The following ZNF107 variants were observed in gnomAD, a reference collection of about 807,000 sequenced individuals.
The protein encoded by ZNF107 is C2H2 type zinc-finger protein.
A neutral mutation model predicts 12.3 loss-of-function variants in ZNF107; 19 were observed. The observed-to-expected ratio is 1.55, with a 90% CI of 1.08 to 2.27. The LOEUF is 2.27. Ranked by LOEUF, ZNF107 falls within the 30% of genes most tolerant of loss-of-function variation. The probability of loss-of-function intolerance (pLI) is 0.00; values close to 1 mark genes in which losing one functional copy is unlikely to be tolerated. For synonymous variants in ZNF107, 317 were observed against 330.5 expected (o/e 0.96, Z 0.44); for missense variants, 958 against 979.9 (o/e 0.98, Z 0.30).
rs144137146 is a variant in ZNF107, at chr7:64,706,658, A to G, written c.561A>G (p.Gln187=). The change falls in exon 4 of 4, where the codon CAA becomes CAG. Residue 187 remains glutamine, a synonymous_variant. Coordinates refer to ENST00000620827, the MANE Select transcript of ZNF107 (RefSeq NM_001282359.2). ...ECSKSFCVLS[Q]LTQHRRIHTR... ...GCAAATCATTTTGCGTGCTTTCACAACTAACTCAGCATAGAAGAATTCATA... is the reference window on the plus strand; with the variant it reads ...GCAAATCATTTTGCGTGCTTTCACAGCTAACTCAGCATAGAAGAATTCATA... 6.2e-7 allele frequency: 1 copy of G among 1,613,364 alleles called. No individual in the cohort carries two copies. Among genetic ancestry groups the G allele is most frequent in the African/African-American group, 1.3e-5 (1 of 74,924 alleles).
intron 3 of ZNF107, among the ~76,000 whole-genome samples, chr7:64,699,568 A>G (rs1790399513): frequency 6.6e-6 from 1 of 152,104 alleles, no homozygotes; most frequent in African/African-American, 2.4e-5. Context: ...AGGACTACAG[A>G]CATACTATGG....
At chr7:64,674,933 C>G (rs943177528) in intron 1 of ZNF107, among the ~76,000 whole-genome samples, 11 of 152,114 alleles carry the variant, frequency 7.2e-5, no homozygotes, top group African/African-American at 2.7e-4. Context: ...TTGAACCAAC[C>G]TTATATGCCA....
chr7:64,697,692 A>ATTT (rs35100512), intron 3 of ZNF107, among the ~76,000 whole-genome samples: 1 of 135,210 alleles, frequency 7.4e-6, no homozygotes, highest in Non-Finnish European at 1.6e-5. Flanking sequence ...GAAACATAGC[A>ATTT]TTTTTTTTTT....
At position 64,690,220 on chromosome 7, in the gene ZNF107, TACTTTGCTAAGA is replaced by T. The variant is rs144548339; in HGVS notation, c.4-1026_4-1015del. On this transcript the variant is annotated intron_variant, in intron 1 of 3. Coordinates refer to ENST00000620827, the MANE Select transcript of ZNF107 (RefSeq NM_001282359.2). ...GAGTTTTAAATATTTTTATTTCTTT[TACTTTGCTAAGA>T]ATACATATTTATCTTATAATAAAAT... 9.2e-3 allele frequency: 2,775 copies of T among 302,076 alleles called. 84 individuals carry two copies. Among genetic ancestry groups the T allele is most frequent in the African/African-American group, 0.06 (2,637 of 44,190 alleles). The allele number at this position is 302,076 out of a possible 1,614,324, so 18.7% of individuals were successfully genotyped here.
At position 64,708,826 on chromosome 7, in the gene ZNF107, A is replaced by C. The variant is rs919866129; in HGVS notation, c.*170A>C. 8 of 716,942 alleles carry C rather than the reference A, an allele frequency of 1.1e-5. No individual in the cohort carries two copies. Among genetic ancestry groups the C allele is most frequent in the Middle Eastern group, 3.2e-4 (1 of 3,172 alleles). The allele number at this position is 716,942 out of a possible 1,614,324, so 44.4% of individuals were successfully genotyped here. A position where few individuals can be genotyped will look rare whatever the true frequency, so the allele number is the denominator to read the frequency against. On this transcript the variant is annotated 3_prime_UTR_variant, in exon 4 of 4. Transcript: ENST00000620827. ...AAAGAATGTGGCACAGCTTTTAACT[A>C]ATCTTCAAACCTTACTGAAAGTTGA...
rs1584492776 is a variant in ZNF107, at chr7:64,707,077, A to G, written c.980A>G (p.Asn327Ser). The stretch of plus-strand genomic sequence containing the variant: ...GGAAAAGCTTTTAACCTATTCTCAA[A>G]TCTTACTAACCATAAGAGAATTCAT... ...ECGKAFNLFS[N>S]LTNHKRIHAG... is the part of the protein sequence containing the mutation. The change falls in exon 4 of 4, where the codon AAT becomes AGT. Residue 327 changes from asparagine to serine, a missense_variant. Physicochemically the swap from Asn to Ser is conservative, Grantham distance 46. Coordinates refer to ENST00000620827, the MANE Select transcript of ZNF107 (RefSeq NM_001282359.2). 1.2e-6 allele frequency: 2 copies of G among 1,611,496 alleles called. No individual in the cohort carries two copies. Among genetic ancestry groups the G allele is most frequent in the East Asian group, 2.2e-5 (1 of 44,848 alleles).
rs1281534338 is a variant in ZNF107, at chr7:64,704,281, CTG to C, written c.227-2041_227-2040del. Among the ~76,000 whole-genome samples the C allele has an allele frequency of 2.0e-5, 3 of 152,250 alleles. No homozygotes were observed. The East Asian group carries it at 5.8e-4, about 29-fold the overall frequency. The stretch of plus-strand genomic sequence containing the variant: ...TATTTTTTTTAGATGGAGTCTCACT[CTG>C]TCGCCAGGCTAGAGTGCAGTGGCGC... On this transcript the variant is annotated intron_variant, in intron 3 of 3. Transcript: ENST00000620827.
At chr7:64,700,316 G>A (rs1790432333) in intron 3 of ZNF107, among the ~76,000 whole-genome samples, 1 of 152,020 alleles carries the variant, frequency 6.6e-6, no homozygotes. Flanking sequence ...ATTCAAATGA[G>A]AGCTGATTCA....
chr7:64,693,228 T>C (rs1189979328), intron 3 of ZNF107, among the ~76,000 whole-genome samples: 2 of 147,344 alleles, frequency 1.4e-5, no homozygotes, highest in African/African-American at 2.5e-5. Context: ...TTAGCCAGGA[T>C]GGTCTCGATC....
intron 1 of ZNF107, chr7:64,686,685 A>C: frequency 2.1e-6 from 2 of 967,058 alleles, no homozygotes; most frequent in South Asian, 9.6e-5. Context: ...TGCAACAACC[A>C]AAAACCACAA....
intron 3 of ZNF107, among the ~76,000 whole-genome samples, chr7:64,703,182 TTTAA>T (rs1175895622): frequency 1.3e-5 from 2 of 152,238 alleles, no homozygotes; most frequent in African/African-American, 4.8e-5. Context: ...TAGTTTATAT[TTTAA>T]TTGTGTATGA....
intron 1 of ZNF107, among the ~76,000 whole-genome samples, chr7:64,675,484 T>G (rs1046001366): frequency 1.3e-5 from 2 of 152,310 alleles, no homozygotes; most frequent in African/African-American, 4.8e-5. Flanking sequence ...TATTTGGATC[T>G]TGTCTTTGTC....
chr7:64,678,483 C>T (rs1199386257), intron 1 of ZNF107, among the ~76,000 whole-genome samples: 1 of 152,146 alleles, frequency 6.6e-6, no homozygotes, highest in Non-Finnish European at 1.5e-5. Context: ...TGTAGACAAA[C>T]TGCATTCATA....
chr7:64,688,257 C>CT (rs36082192), intron 1 of ZNF107, among the ~76,000 whole-genome samples: 63,452 of 133,258 alleles, frequency 0.48, 15,888 homozygotes, highest in East Asian at 0.66. Flanking sequence ...CCTTCCTCCT[C>CT]TTTTTTTTTT....
At position 64,701,009 on chromosome 7, in the gene ZNF107, T is replaced by C. The variant is rs1288439702; in HGVS notation, c.227-5315T>C. ...TGTTGCTATGTATTTCTTGCTTCAT[T>C]TTTGTCAGTATTTTCTTTATATATT... On this transcript the variant is annotated intron_variant, in intron 3 of 3. Coordinates refer to ENST00000620827, the MANE Select transcript of ZNF107 (RefSeq NM_001282359.2). Among the ~76,000 whole-genome samples the C allele has an allele frequency of 2.0e-5, 3 of 152,214 alleles. No homozygotes were observed. In the East Asian group the frequency reaches 5.8e-4, roughly 29 times the overall value.
chr7:64,670,961 G>A (rs966342534), intron 1 of ZNF107, among the ~76,000 whole-genome samples: 3 of 152,192 alleles, frequency 2.0e-5, no homozygotes, highest in African/African-American at 4.8e-5. Context: ...GGACAGTGTT[G>A]TGGGACTGAG....
At chr7:64,694,740 G>T (rs1187319224) in intron 3 of ZNF107, among the ~76,000 whole-genome samples, 1 of 151,782 alleles carries the variant, frequency 6.6e-6, no homozygotes, top group Non-Finnish European at 1.5e-5. Flanking sequence ...AGAAAGTAGG[G>T]CACCTTTTAT....
chr7:64,690,476 T>G (rs944660658), intron 1 of ZNF107: 23 of 981,424 alleles, frequency 2.3e-5, no homozygotes, highest in Non-Finnish European at 2.7e-5. Flanking sequence ...CTTTCCGGAG[T>G]GGTTGCTAAC....
chr7:64,688,785 A>C (rs889897241), intron 1 of ZNF107, among the ~76,000 whole-genome samples: 1 of 152,234 alleles, frequency 6.6e-6, no homozygotes, highest in African/African-American at 2.4e-5. Context: ...CTAAGAATTT[A>C]TCTCTTGAAA....
Sources: gnomAD v4.1 joint callset for allele counts (sites outside exome capture counted in the v4.1 genomes callset) on GRCh38, gnomAD v4.1.1 for gene constraint, MANE v1.5 for transcripts, NCBI Gene and HGNC (gene_info 2026-07-23, HGNC 2026-07-21) for gene names.